The following GRIA4 variants were observed in gnomAD, a reference collection of about 807,000 sequenced individuals.
GRIA4 encodes the protein glutamate receptor 4.
A neutral mutation model predicts 104.0 loss-of-function variants in GRIA4; 34 were observed. The observed-to-expected ratio is 0.33, with a 90% CI of 0.25 to 0.44. The LOEUF (loss-of-function observed/expected upper bound fraction) is 0.44, where lower values mean the gene tolerates loss of function less well. GRIA4 is among the 20% of genes least tolerant of loss of function. The probability of loss-of-function intolerance (pLI) is 1.00; values close to 1 mark genes in which losing one functional copy is unlikely to be tolerated. For synonymous variants in GRIA4, 386 were observed against 381.9 expected (o/e 1.01, Z -0.13); for missense variants, 750 against 1,096.5 (o/e 0.68, Z 4.46).
intron 3 of GRIA4, among the ~76,000 whole-genome samples, chr11:105,676,498 G>C (rs1952541341): frequency 8.3e-6 from 1 of 120,438 alleles, no homozygotes; most frequent in Non-Finnish European, 1.7e-5. Context: ...AAACATATTT[G>C]ATATCTTATA....
chr11:105,917,031 T>C (rs1276313669), intron 10 of GRIA4, among the ~76,000 whole-genome samples: 2 of 152,212 alleles, frequency 1.3e-5, no homozygotes, highest in Non-Finnish European at 2.9e-5. Flanking sequence ...AAAATAATAA[T>C]GCTTTGCAAC....
intron 3 of GRIA4, among the ~76,000 whole-genome samples, chr11:105,680,527 T>C (rs2135463599): frequency 6.6e-6 from 1 of 152,236 alleles, no homozygotes; most frequent in East Asian, 1.9e-4. Flanking sequence ...TAGTGGTTTT[T>C]GTGTGTATGG....
At chr11:105,967,003 T>C (rs1394048323) in intron 14 of GRIA4, among the ~76,000 whole-genome samples, 1 of 152,148 alleles carries the variant, frequency 6.6e-6, no homozygotes, top group Admixed American at 6.5e-5. Context: ...TGTCTGAAAT[T>C]TTCTGATAGT....
chr11:105,922,881 T>G (rs553949548), intron 11 of GRIA4, among the ~76,000 whole-genome samples: 1 of 152,150 alleles, frequency 6.6e-6, no homozygotes, highest in Non-Finnish European at 1.5e-5. Flanking sequence ...ATATCACTTA[T>G]GTAACAAAAA....
At chr11:105,973,815 C>T (rs1858826031) in intron 15 of GRIA4, among the ~76,000 whole-genome samples, 2 of 152,112 alleles carry the variant, frequency 1.3e-5, no homozygotes, top group African/African-American at 4.8e-5. Flanking sequence ...AAACCATCAG[C>T]TCAACAACTC....
chr11:105,776,893 T>C (rs1242214153), intron 4 of GRIA4, among the ~76,000 whole-genome samples: 1 of 152,190 alleles, frequency 6.6e-6, no homozygotes, highest in African/African-American at 2.4e-5. Context: ...AAAGTATTTC[T>C]AATCTCAAAC....
At chr11:105,698,058 T>C (rs1342827462) in intron 3 of GRIA4, among the ~76,000 whole-genome samples, 2 of 152,166 alleles carry the variant, frequency 1.3e-5, no homozygotes, top group Non-Finnish European at 2.9e-5. Flanking sequence ...TATGCTACTA[T>C]GTCATGCTAG....
chr11:105,716,071 G>T (rs1024934007), intron 3 of GRIA4, among the ~76,000 whole-genome samples: 3 of 151,398 alleles, frequency 2.0e-5, no homozygotes, highest in Non-Finnish European at 4.4e-5. Flanking sequence ...ATAGTAAAAA[G>T]CATAATTTTA....
intron 4 of GRIA4, among the ~76,000 whole-genome samples, chr11:105,762,268 C>T (rs957104965): frequency 6.6e-6 from 1 of 152,214 alleles, no homozygotes; most frequent in African/African-American, 2.4e-5. Context: ...AAGTGATCTG[C>T]CCGCCTTGGC....
intron 14 of GRIA4, among the ~76,000 whole-genome samples, chr11:105,951,252 T>A (rs929188875): frequency 6.6e-6 from 1 of 152,216 alleles, no homozygotes; most frequent in African/African-American, 2.4e-5. Flanking sequence ...CAAATCCTGG[T>A]CCAGGCAGGG....
At chr11:105,654,440 T>C (rs1366007731) in intron 3 of GRIA4, among the ~76,000 whole-genome samples, 1 of 152,120 alleles carries the variant, frequency 6.6e-6, no homozygotes, top group East Asian at 1.9e-4. Context: ...AAATAATAAC[T>C]TAAAAATAAT....
rs142341257 is a variant in GRIA4 at position 105,846,947 on chromosome 11, C to T, written c.488-15077C>T. ...TTCTGCAGGTGAGGATGAGCTGGTG[C>T]CATCCAATAACCCATTAGGGCAACG... On this transcript the variant is annotated intron_variant, in intron 4 of 16. Transcript: ENST00000282499. Among the ~76,000 whole-genome samples the T allele has an allele frequency of 7.8e-4, 119 of 152,306 alleles. 1 individual carries two copies. The highest frequency in any genetic ancestry group is 1.4e-3 in the Non-Finnish European group (93 of 68,028).
intron 4 of GRIA4, among the ~76,000 whole-genome samples, chr11:105,829,770 G>A (rs1943906235): frequency 6.6e-6 from 1 of 151,852 alleles, no homozygotes; most frequent in Non-Finnish European, 1.5e-5. Flanking sequence ...AGAAATTGAA[G>A]AGAGAGAAGC....
chr11:105,976,469 C>T (rs1858986972), intron 16 of GRIA4, among the ~76,000 whole-genome samples: 2 of 107,552 alleles, frequency 1.9e-5, no homozygotes, highest in African/African-American at 6.9e-5. Flanking sequence ...TAGATTTGAA[C>T]ATTTAAGACA....
rs1282730371 is a variant in GRIA4 at position 105,887,892 on chromosome 11, T to G, written c.726+320T>G. 3.3e-5 allele frequency among the ~76,000 whole-genome samples: 5 copies of G among 152,194 alleles called. No individual in the cohort carries two copies. The East Asian group carries it at 9.6e-4, about 29-fold the overall frequency. ...CTTTATAGACAAAGATAGCCAATATTTGGATATTATAAGAATGATCTAAAC... is the reference window on the plus strand; with the variant it reads ...CTTTATAGACAAAGATAGCCAATATGTGGATATTATAAGAATGATCTAAAC... On this transcript the variant is annotated intron_variant, in intron 6 of 16. Transcript: ENST00000282499.
intron 4 of GRIA4, among the ~76,000 whole-genome samples, chr11:105,756,314 T>C (rs1254686700): frequency 6.6e-6 from 1 of 152,118 alleles, no homozygotes; most frequent in Non-Finnish European, 1.5e-5. Flanking sequence ...AGTGGATTGG[T>C]AGCCATCCAG....
At chr11:105,956,997 T>C (rs1194648432) in intron 14 of GRIA4, among the ~76,000 whole-genome samples, 6 of 152,218 alleles carry the variant, frequency 3.9e-5, no homozygotes, top group Admixed American at 2.6e-4. Flanking sequence ...TCTTTGTAGA[T>C]TCTGGATATT....
chr11:105,641,662 ACACTTCC>A (rs1685748746), intron 3 of GRIA4, among the ~76,000 whole-genome samples: 3 of 152,096 alleles, frequency 2.0e-5, no homozygotes, highest in South Asian at 2.1e-4. Context: ...ACTCACCAAT[ACACTTCC>A]CAGTCATATA....
intron 5 of GRIA4, among the ~76,000 whole-genome samples, chr11:105,885,992 T>A (rs894944928): frequency 1.3e-5 from 2 of 152,112 alleles, no homozygotes; most frequent in African/African-American, 2.4e-5. Context: ...GTACAACAAA[T>A]CCTAAACAAT....
Sources: allele counts gnomAD v4.1 joint callset (sites outside exome capture counted in the v4.1 genomes callset), GRCh38; gene constraint gnomAD v4.1.1; transcripts MANE v1.5; gene names NCBI Gene and HGNC (gene_info 2026-07-23, HGNC 2026-07-21).